Variants in TRPM3 observed in about 807,000 individuals in gnomAD.
The protein encoded by TRPM3 is transient receptor potential cation channel subfamily M member 3.
TRPM3 carries 77 observed loss-of-function variants against 181.2 expected under a neutral mutation model. The observed-to-expected ratio is 0.42, with a 90% CI of 0.35 to 0.51. The LOEUF (loss-of-function observed/expected upper bound fraction) is 0.51, where lower values mean the gene tolerates loss of function less well. Ranked by LOEUF, TRPM3 falls within the 20% of genes least tolerant of loss-of-function variation. The pLI is 0.01. For missense variants in TRPM3, 1,759 were observed against 2,196.7 expected (o/e 0.80, Z 3.98); for synonymous variants, 745 against 796.4 (o/e 0.94, Z 1.09).
intron 1 of TRPM3, among the ~76,000 whole-genome samples, chr9:71,275,743 T>C (rs1316170374): frequency 6.6e-6 from 1 of 152,300 alleles, no homozygotes; most frequent in Middle Eastern, 3.4e-3. Context: ...AAAGCCCTAG[T>C]TGTTTGTTAG....
chr9:71,339,665 ACT>A (rs759193576), intron 1 of TRPM3, among the ~76,000 whole-genome samples: 6 of 152,144 alleles, frequency 3.9e-5, no homozygotes, highest in African/African-American at 9.6e-5. Flanking sequence ...ATAGCGTATG[ACT>A]CTATTTAGTA....
intron 1 of TRPM3, among the ~76,000 whole-genome samples, chr9:71,433,465 C>T (rs1001438991): frequency 6.6e-6 from 1 of 152,148 alleles, no homozygotes; most frequent in African/African-American, 2.4e-5. Context: ...GAGGCCTCCC[C>T]AGTCATGCTG....
At chr9:70,627,810 G>A (rs950865548) in intron 12 of TRPM3, among the ~76,000 whole-genome samples, 2 of 152,120 alleles carry the variant, frequency 1.3e-5, no homozygotes, top group Non-Finnish European at 2.9e-5. Context: ...CATTTGATGA[G>A]CTGAATAGTC....
intron 1 of TRPM3, among the ~76,000 whole-genome samples, chr9:71,186,572 A>T (rs1222219415): frequency 1.3e-5 from 2 of 152,070 alleles, no homozygotes; most frequent in Non-Finnish European, 2.9e-5. Context: ...GATGCACTGT[A>T]TGTAAAAAAA....
At chr9:71,212,595 AC>A in intron 1 of TRPM3, among the ~76,000 whole-genome samples, 1 of 152,286 alleles carries the variant, frequency 6.6e-6, no homozygotes, top group Non-Finnish European at 1.5e-5. Context: ...TGATTGCTGA[AC>A]CCATCAAGAA....
At chr9:70,998,248 CACAT>C (rs1196385610) in intron 1 of TRPM3, among the ~76,000 whole-genome samples, 7 of 133,168 alleles carry the variant, frequency 5.3e-5, no homozygotes, top group Admixed American at 7.7e-5. Flanking sequence ...CACACACACA[CACAT>C]ATATATATAT....
intron 1 of TRPM3, among the ~76,000 whole-genome samples, chr9:71,359,083 C>T (rs1178651255): frequency 6.6e-6 from 1 of 152,180 alleles, no homozygotes; most frequent in East Asian, 1.9e-4. Flanking sequence ...TATCTAAGCA[C>T]TAAGAACTAG....
At chr9:70,831,623 A>G (rs988974185) in intron 5 of TRPM3, among the ~76,000 whole-genome samples, 1 of 152,040 alleles carries the variant, frequency 6.6e-6, no homozygotes, top group Non-Finnish European at 1.5e-5. Flanking sequence ...CAGTCACTCA[A>G]ACAATTTCCT....
chr9:70,858,132 G>T (rs1177196829), intron 3 of TRPM3, among the ~76,000 whole-genome samples: 4 of 152,142 alleles, frequency 2.6e-5, no homozygotes, highest in Non-Finnish European at 5.9e-5. Context: ...CAACACAAGG[G>T]CTTCAACTTG....
rs772573179 is a variant in TRPM3 at position 71,130,237 on chromosome 9, C to T, written c.184-265726G>A. On this transcript the variant is annotated intron_variant, in intron 1 of 24. Coordinates refer to the TRPM3 transcript ENST00000357533. ...TGATATATTATATAAGGTTCAAAAA[C>T]GTATACATAAAAAGTAAAATGTGTT... Among the ~76,000 whole-genome samples the T allele has an allele frequency of 3.9e-5, 6 of 152,006 alleles. No individual in the cohort carries two copies. The South Asian group carries it at 6.2e-4, about 16-fold the overall frequency.
At chr9:71,252,420 C>T (rs1447268680) in intron 1 of TRPM3, among the ~76,000 whole-genome samples, 1 of 152,142 alleles carries the variant, frequency 6.6e-6, no homozygotes. Flanking sequence ...GCTTTGTTCA[C>T]CTTTCTAAAA....
chr9:71,300,423 T>G (rs906289309), intron 1 of TRPM3, among the ~76,000 whole-genome samples: 1 of 152,162 alleles, frequency 6.6e-6, no homozygotes, highest in Admixed American at 6.6e-5. Context: ...GGTCTGTTAG[T>G]GCCTTCCTAA....
At chr9:70,923,264 T>C (rs2133308784) in intron 1 of TRPM3, among the ~76,000 whole-genome samples, 1 of 152,302 alleles carries the variant, frequency 6.6e-6, no homozygotes, top group South Asian at 2.1e-4. Flanking sequence ...TACATGTTCA[T>C]GTTCACGTTT....
intron 1 of TRPM3, among the ~76,000 whole-genome samples, chr9:71,263,364 C>G (rs1396303137): frequency 6.6e-6 from 1 of 152,122 alleles, no homozygotes; most frequent in Non-Finnish European, 1.5e-5. Context: ...GAAGATAGTA[C>G]AAAGACTGTT....
At chr9:71,362,694 C>T (rs969276397) in intron 1 of TRPM3, among the ~76,000 whole-genome samples, 1 of 152,114 alleles carries the variant, frequency 6.6e-6, no homozygotes, top group South Asian at 2.1e-4. Flanking sequence ...TAAGCGATAA[C>T]AATTTTTGTA....
chr9:70,602,060 GGAAGACC>G (rs1254106425), intron 20 of TRPM3, among the ~76,000 whole-genome samples: 1 of 150,386 alleles, frequency 6.6e-6, no homozygotes, highest in Non-Finnish European at 1.5e-5. Flanking sequence ...ACCATGAATG[GGAAGACC>G]GAAGTGCAGA....
At chr9:71,109,913 C>A (rs1038427586) in intron 1 of TRPM3, among the ~76,000 whole-genome samples, 5 of 152,068 alleles carry the variant, frequency 3.3e-5, no homozygotes, top group African/African-American at 1.2e-4. Flanking sequence ...AAGGAAAGTA[C>A]CCTGTAAATT....
chr9:71,253,253 G>A (rs1394634123), intron 1 of TRPM3, among the ~76,000 whole-genome samples: 1 of 152,118 alleles, frequency 6.6e-6, no homozygotes, highest in Non-Finnish European at 1.5e-5. Context: ...ATCACTAGTT[G>A]AAAAGTTCTA....
intron 1 of TRPM3, among the ~76,000 whole-genome samples, chr9:71,017,861 C>A (rs1362989224): frequency 6.6e-6 from 1 of 151,764 alleles, no homozygotes; most frequent in African/African-American, 2.4e-5. Flanking sequence ...ACTCTATACC[C>A]AACAATGGTT....
Sources: allele counts gnomAD v4.1 joint callset (sites outside exome capture counted in the v4.1 genomes callset), GRCh38; gene constraint gnomAD v4.1.1; transcripts MANE v1.5; gene names NCBI Gene and HGNC (gene_info 2026-07-23, HGNC 2026-07-21).